EDARADD: variants seen among roughly 807,000 people sequenced by gnomAD.
EDARADD encodes the protein ectodysplasin-A receptor-associated adapter protein.
A neutral mutation model predicts 25.6 loss-of-function variants in EDARADD; 20 were observed. That is an observed-to-expected ratio of 0.78 (90% CI 0.55 to 1.14). The LOEUF (loss-of-function observed/expected upper bound fraction) is 1.14, where lower values mean the gene tolerates loss of function less well. Among genes scored for constraint, EDARADD ranks in the 50% most tolerant of loss-of-function variants. The probability of loss-of-function intolerance (pLI) is 0.00; values close to 1 mark genes in which losing one functional copy is unlikely to be tolerated. For synonymous variants in EDARADD, 86 were observed against 94.4 expected, an observed-to-expected ratio of 0.91 and a Z score of 0.52; for missense variants, 225 against 270.1, an observed-to-expected ratio of 0.83 and a Z score of 1.17.
At chr1:236,360,328 A>G (rs1005201909) in intron 3 of EDARADD, among the ~76,000 whole-genome samples, 3 of 151,854 alleles carry the variant, frequency 2.0e-5, no homozygotes, top group Admixed American at 1.3e-4. Context: ...TTAAAAAAAA[A>G]AAGAAGAAGA....
chr1:236,416,950 A>G (rs753226134), intron 3 of EDARADD, among the ~76,000 whole-genome samples: 4 of 152,044 alleles, frequency 2.6e-5, no homozygotes, highest in Admixed American at 1.3e-4. Context: ...CATCTCTACA[A>G]AAATATATAA....
rs1286759138 is a variant in EDARADD at position 236,481,623 on chromosome 1, G to A, written c.266-644G>A. On this transcript the variant is annotated intron_variant, in intron 5 of 5. Coordinates refer to ENST00000334232, the MANE Select transcript of EDARADD (RefSeq NM_145861.4). ...ACCAAAAAAAAAAAAAAGAAAGAAA[G>A]AAAAGATTAGCCAGGTTTGGTGGTA... is the stretch of plus-strand genomic sequence containing the variant. Among the ~76,000 whole-genome samples the A allele has an allele frequency of 2.5e-3, 370 of 149,104 alleles. 4 individuals carry two copies. Among genetic ancestry groups the A allele is most frequent in the African/African-American group, 8.5e-3 (345 of 40,640 alleles).
intron 3 of EDARADD, among the ~76,000 whole-genome samples, chr1:236,417,007 G>T (rs888302472): frequency 1.3e-5 from 2 of 152,124 alleles, no homozygotes; most frequent in Non-Finnish European, 2.9e-5. Context: ...CCAGCTACCA[G>T]GGAAGCTGGG....
At chr1:236,461,651 C>T (rs1659041071) in intron 4 of EDARADD, among the ~76,000 whole-genome samples, 1 of 152,126 alleles carries the variant, frequency 6.6e-6, no homozygotes, top group Non-Finnish European at 1.5e-5. Flanking sequence ...GCGTGGGGAG[C>T]GTTTCTTCTC....
intron 4 of EDARADD, among the ~76,000 whole-genome samples, chr1:236,455,983 G>A (rs573649786): frequency 5.3e-5 from 8 of 152,306 alleles, no homozygotes; most frequent in Non-Finnish European, 1.0e-4. Context: ...TAGAGATGGA[G>A]TTTCACCATT....
chr1:236,353,306 A>G (rs1275380950), intron 3 of EDARADD, among the ~76,000 whole-genome samples: 1 of 152,152 alleles, frequency 6.6e-6, no homozygotes, highest in African/African-American at 2.4e-5. Context: ...TGGTGGTAAA[A>G]GTCGTTCTAG....
chr1:236,454,612 A>G (rs1442314384), intron 4 of EDARADD, among the ~76,000 whole-genome samples: 1 of 152,232 alleles, frequency 6.6e-6, no homozygotes, highest in Non-Finnish European at 1.5e-5. Flanking sequence ...ACAACTTGGC[A>G]TCTTAAAGCC....
rs1659726968 is a variant in EDARADD at position 236,483,126 on chromosome 1, C to G, written c.*477C>G. On this transcript the variant is annotated 3_prime_UTR_variant, in exon 6 of 6. Transcript: ENST00000334232. ...TGAGTGTCTGCAGCACCCTCCACTT[C>G]TCTCCTAGGCAATGAGACCCAGTGG... The G allele has an allele frequency of 7.4e-7, 1 of 1,354,580 alleles. No homozygotes were observed. Among genetic ancestry groups the G allele is most frequent in the African/African-American group, 1.4e-5 (1 of 69,726 alleles). The allele number at this position is 1,354,580 out of a possible 1,614,324, so 83.9% of individuals were successfully genotyped here. A position where few individuals can be genotyped will look rare whatever the true frequency, so the allele number is the denominator to read the frequency against.
intron 4 of EDARADD, 126 bp from the exon 5 acceptor site, chr1:236,468,105 G>A (rs1161735335): frequency 1.2e-6 from 1 of 861,748 alleles, no homozygotes; most frequent in African/African-American, 1.7e-5. Flanking sequence ...CCATTCTCAA[G>A]ATCCAGTCCC....
At chr1:236,402,938 A>T (rs1039404408) in intron 1 of EDARADD, among the ~76,000 whole-genome samples, 1 of 151,764 alleles carries the variant, frequency 6.6e-6, no homozygotes, top group Non-Finnish European at 1.5e-5. Flanking sequence ...AAGCTTTTAA[A>T]CTTTTCAAAC....
At chr1:236,470,904 G>A (rs975388872) in intron 5 of EDARADD, among the ~76,000 whole-genome samples, 30 of 151,944 alleles carry the variant, frequency 2.0e-4, no homozygotes, top group Admixed American at 2.0e-4. Flanking sequence ...CACCACACCC[G>A]GTTAATTTTT....
intron 4 of EDARADD, among the ~76,000 whole-genome samples, chr1:236,462,204 C>T (rs1388093790): frequency 6.6e-6 from 1 of 152,090 alleles, no homozygotes; most frequent in East Asian, 1.9e-4. Context: ...GTTGACTGGG[C>T]CCCTTTGGAT....
chr1:236,438,341 C>G (rs532544386), intron 4 of EDARADD, among the ~76,000 whole-genome samples: 1 of 152,308 alleles, frequency 6.6e-6, no homozygotes, highest in African/African-American at 2.4e-5. Context: ...AAAACAAGAA[C>G]CTTACAATAA....
intron 3 of EDARADD, 87 bp downstream of exon 3, chr1:236,414,386 A>G (rs1657580530): frequency 9.0e-7 from 1 of 1,107,020 alleles, no homozygotes; most frequent in African/African-American, 1.5e-5. Context: ...TTCATTATTT[A>G]AAATTGTAAA....
chr1:236,376,289 C>A (rs1007360514), intron 3 of EDARADD, among the ~76,000 whole-genome samples: 2 of 152,144 alleles, frequency 1.3e-5, no homozygotes, highest in Non-Finnish European at 2.9e-5. Flanking sequence ...GAGTTTCTGA[C>A]CTATGTCATT....
chr1:236,479,515 C>A (rs55822906), intron 5 of EDARADD, among the ~76,000 whole-genome samples: 17,832 of 146,576 alleles, frequency 0.12, 1,115 homozygotes, highest in Non-Finnish European at 0.13. Flanking sequence ...AAAAAAAAAA[C>A]CTCTCTATTC....
Position 236,418,480 on chromosome 1 carries a change from A to G in EDARADD, c.160+4181A>G, listed in dbSNP as rs550146109. ...GGCTGGTCTCGAACTCCTGACCTCAAGCGATCCATCCACCTCGGCCTCCTA... is the reference window on the plus strand; with the variant it reads ...GGCTGGTCTCGAACTCCTGACCTCAGGCGATCCATCCACCTCGGCCTCCTA... On this transcript the variant is annotated intron_variant, in intron 3 of 5. Coordinates refer to ENST00000334232, the MANE Select transcript of EDARADD (RefSeq NM_145861.4). 2.0e-5 allele frequency among the ~76,000 whole-genome samples: 3 copies of G among 147,988 alleles called. No homozygotes were observed. In the South Asian group the frequency reaches 6.4e-4, roughly 32 times the overall value.
chr1:236,390,941 G>GTTATTATTATTATTATTATTA (rs377087092), upstream of EDARADD, among the ~76,000 whole-genome samples: 835 of 148,908 alleles, frequency 5.6e-3, 13 homozygotes, highest in Middle Eastern at 0.011. Context: ...TCTTGGGTTA[G>GTTATTATTATTATTATTATTA]TTGTTATTAT....
chr1:236,422,929 T>C (rs1158458480), intron 3 of EDARADD, among the ~76,000 whole-genome samples: 2 of 152,338 alleles, frequency 1.3e-5, no homozygotes, highest in East Asian at 3.9e-4. Flanking sequence ...TAGTGTTTAA[T>C]GACAGCCTCT....
Sources: gnomAD v4.1 joint callset for allele counts (sites outside exome capture counted in the v4.1 genomes callset) on GRCh38, gnomAD v4.1.1 for gene constraint, MANE v1.5 for transcripts, NCBI Gene and HGNC (gene_info 2026-07-23, HGNC 2026-07-21) for gene names.